The following CNIH3 variants were observed in gnomAD, a reference collection of about 807,000 sequenced individuals.
CNIH3 encodes cornichon family AMPA receptor auxiliary protein 3, also known as protein cornichon homolog 3.
Under a neutral mutation model 24.1 loss-of-function variants are expected in CNIH3, and 14 were observed. The observed-to-expected ratio is 0.58, with a 90% CI of 0.38 to 0.91. The LOEUF is 0.91. CNIH3 is among the 40% of genes least tolerant of loss of function. The pLI, the probability that CNIH3 is intolerant of heterozygous loss-of-function variation, is 0.00. For missense variants in CNIH3, 178 were observed against 196.8 expected, an observed-to-expected ratio of 0.90 and a Z score of 0.57; for synonymous variants, 68 against 73.8, an observed-to-expected ratio of 0.92 and a Z score of 0.40.
intron 1 of CNIH3, among the ~76,000 whole-genome samples, chr1:224,508,383 C>T (rs539119452): frequency 6.6e-6 from 1 of 152,272 alleles, no homozygotes; most frequent in East Asian, 1.9e-4. Flanking sequence ...CGGACTAGCA[C>T]AGTTGGATTT....
intron 4 of CNIH3, among the ~76,000 whole-genome samples, chr1:224,566,441 A>G (rs895612589): frequency 2.6e-5 from 4 of 151,586 alleles, no homozygotes; most frequent in Admixed American, 1.3e-4. Context: ...TTACATAGGT[A>G]TACATGTGCC....
intron 1 of CNIH3, among the ~76,000 whole-genome samples, chr1:224,466,133 GTA>G (rs1676144730): frequency 6.6e-6 from 1 of 152,166 alleles, no homozygotes. Flanking sequence ...ATTTGTGTGT[GTA>G]TGTAGTTCTA....
chr1:224,474,767 C>T (rs1300238321), intron 1 of CNIH3, among the ~76,000 whole-genome samples: 1 of 152,118 alleles, frequency 6.6e-6, no homozygotes, highest in Non-Finnish European at 1.5e-5. Flanking sequence ...GTGGCTCACG[C>T]CTGTAATCCC....
intron 1 of CNIH3, among the ~76,000 whole-genome samples, chr1:224,516,305 T>C (rs1678377638): frequency 9.1e-6 from 1 of 109,416 alleles, no homozygotes; most frequent in African/African-American, 4.1e-5. Context: ...AAACCGAGAC[T>C]CTGTCTCAAA....
rs772024862 is a variant in CNIH3, at chr1:224,734,592, A to T, written c.341A>T (p.Glu114Val). Residue 114 changes from glutamate (E) to valine (V), a missense_variant, in exon 5 of 6, where the codon GAA (glutamate) becomes GTA (valine). Glu to Val is a moderately radical substitution (Grantham distance 121). Coordinates refer to ENST00000272133, the MANE Select transcript of CNIH3 (RefSeq NM_152495.2). ...RYFHCPADSSELAYDPPVVMN... is the reference protein window; with the variant it reads ...RYFHCPADSSVLAYDPPVVMN... ...TTCCACTGTCCAGCAGATAGCTCAGAACTAGCCTACGACCCACCGGTGGTC... is the reference window on the plus strand; with the variant it reads ...TTCCACTGTCCAGCAGATAGCTCAGTACTAGCCTACGACCCACCGGTGGTC... The T allele has an allele frequency of 6.2e-7, 1 of 1,614,128 alleles. No homozygotes were observed. Among genetic ancestry groups the T allele is most frequent in the African/African-American group, 1.3e-5 (1 of 75,020 alleles).
chr1:224,526,241 G>A (rs926819763), intron 2 of CNIH3, among the ~76,000 whole-genome samples: 6 of 152,314 alleles, frequency 3.9e-5, no homozygotes, highest in Non-Finnish European at 7.3e-5. Flanking sequence ...CTGAATGTTG[G>A]TGTCCCCCCA....
At chr1:224,650,304 G>A (rs2648746) in intron 1 of CNIH3, among the ~76,000 whole-genome samples, 87,698 of 151,302 alleles carry the variant, frequency 0.58, 27,761 homozygotes, top group African/African-American at 0.84. Context: ...TGCCTAAGGA[G>A]CATTTTTCCA....
At chr1:224,470,605 C>G (rs1213745618) in intron 1 of CNIH3, among the ~76,000 whole-genome samples, 1 of 152,142 alleles carries the variant, frequency 6.6e-6, no homozygotes, top group Non-Finnish European at 1.5e-5. Flanking sequence ...CAGGTGTGAG[C>G]CACCACACCC....
In CNIH3 at chr1:224,617,262, A is replaced by G; in HGVS notation, c.81+7A>G. 6.2e-7 allele frequency: 1 copy of G among 1,613,508 alleles called. No homozygotes were observed. Among genetic ancestry groups the G allele is most frequent in the Non-Finnish European group, 8.5e-7 (1 of 1,179,750 alleles). ...CTTCTTCGCCATCTGGCACGTGAGT[A>G]ACACGCTTTGGTCTCTCTTCTTTCG... is the stretch of plus-strand genomic sequence containing the variant. On this transcript the variant is annotated splice_region_variant and intron_variant, in intron 1 of 5. Coordinates refer to ENST00000272133, the MANE Select transcript of CNIH3 (RefSeq NM_152495.2).
chr1:224,731,876 G>A (rs1167874547), intron 4 of CNIH3, among the ~76,000 whole-genome samples: 2 of 152,256 alleles, frequency 1.3e-5, no homozygotes, highest in Non-Finnish European at 2.9e-5. Flanking sequence ...GTTGCTCAGT[G>A]AGGTTGGATG....
At chr1:224,647,617 T>C (rs1344914138) in intron 1 of CNIH3, among the ~76,000 whole-genome samples, 2 of 152,312 alleles carry the variant, frequency 1.3e-5, no homozygotes, top group Non-Finnish European at 2.9e-5. Flanking sequence ...GTTAGGGCCC[T>C]GTGGAGAAAG....
downstream of CNIH3, among the ~76,000 whole-genome samples, chr1:224,592,878 A>G (rs957236553): frequency 2.0e-5 from 3 of 152,210 alleles, no homozygotes; most frequent in African/African-American, 7.2e-5. Context: ...GTGTGGAAGG[A>G]GCCAGGGCCC....
intron 1 of CNIH3, among the ~76,000 whole-genome samples, chr1:224,466,459 A>G (rs1490301086): frequency 6.6e-6 from 1 of 152,192 alleles, no homozygotes; most frequent in Non-Finnish European, 1.5e-5. Flanking sequence ...GCAGAGTAGT[A>G]TCTGTGGTAT....
At chr1:224,696,896 C>A (rs1687204962) in intron 3 of CNIH3, among the ~76,000 whole-genome samples, 1 of 152,134 alleles carries the variant, frequency 6.6e-6, no homozygotes, top group East Asian at 1.9e-4. Flanking sequence ...GCGCTGATCA[C>A]CTAGCACCTT....
In CNIH3 at chr1:224,739,318, T is replaced by TTTTA; in HGVS notation, c.456-9_456-8insTATT. 6.5e-7 allele frequency: 1 copy of TTTTA among 1,539,818 alleles called. No individual in the cohort carries two copies. ...CTCTTTTTTTTTTTTTTTTTTTTTT[T>TTTTA]TTGCATTCAGCATGATCTACACTTT... On this transcript the variant is annotated splice_polypyrimidine_tract_variant and intron_variant, in intron 5 of 5. Coordinates refer to ENST00000272133, the MANE Select transcript of CNIH3 (RefSeq NM_152495.2).
intron 1 of CNIH3, among the ~76,000 whole-genome samples, chr1:224,502,835 C>T (rs558674687): frequency 6.6e-6 from 1 of 152,286 alleles, no homozygotes; most frequent in East Asian, 1.9e-4. Flanking sequence ...GATTTAAACA[C>T]CATATGAATG....
chr1:224,588,480 A>C (rs1429635939), exon 6 of CNIH3: 2 of 152,136 alleles, frequency 1.3e-5, no homozygotes, highest in Non-Finnish European at 2.9e-5. Context: ...ATTCCCATTT[A>C]AGATCTTTCC....
chr1:224,629,678 G>A (rs1167295909), intron 1 of CNIH3, among the ~76,000 whole-genome samples: 1 of 152,040 alleles, frequency 6.6e-6, no homozygotes, highest in African/African-American at 2.4e-5. Flanking sequence ...GGAATTGCTG[G>A]ATCAAGTGTT....
chr1:224,690,823 T>C (rs1215256092), intron 3 of CNIH3, among the ~76,000 whole-genome samples: 2 of 152,172 alleles, frequency 1.3e-5, no homozygotes, highest in African/African-American at 4.8e-5. Context: ...GAGAGCCTGC[T>C]GGGAAGGGGC....
Sources: allele counts gnomAD v4.1 joint callset (sites outside exome capture counted in the v4.1 genomes callset), GRCh38; gene constraint gnomAD v4.1.1; transcripts MANE v1.5; gene names NCBI Gene and HGNC (gene_info 2026-07-23, HGNC 2026-07-21).